Variants in HEATR4 observed in about 807,000 individuals in gnomAD.
HEATR4 encodes HEAT repeat-containing protein 4.
Under a neutral mutation model 108.8 loss-of-function variants are expected in HEATR4, and 95 were observed. The ratio of observed to expected loss-of-function variants is 0.87; its 90% CI spans 0.74 to 1.04. The LOEUF (loss-of-function observed/expected upper bound fraction) is 1.04. Among genes scored for constraint, HEATR4 ranks in the 50% least tolerant of loss-of-function variants. The pLI, the probability that HEATR4 is intolerant of heterozygous loss-of-function variation, is 0.00. For synonymous variants in HEATR4, 443 were observed against 459.4 expected, an observed-to-expected ratio of 0.96 and a Z score of 0.46; for missense variants, 1,152 against 1,253.8, an observed-to-expected ratio of 0.92 and a Z score of 1.23.
upstream of HEATR4, among the ~76,000 whole-genome samples, chr14:73,561,340 C>T (rs117886097): frequency 5.3e-3 from 794 of 149,174 alleles, 34 homozygotes; most frequent in South Asian, 0.099. Flanking sequence ...TGGTCCAGCC[C>T]GGGCGACAGA....
rs984358304 is a variant in HEATR4, at chr14:73,504,787, T to C, written c.1986+1680A>G. On this transcript the variant is annotated intron_variant, in intron 10 of 17. Coordinates refer to ENST00000553558, the MANE Select transcript of HEATR4 (RefSeq NM_001220484.1). ...GCTATTCTGGAGATATCCAAAGTTA[T>C]AAGGAAAAGATGAAGTAGCACATAG... Among the ~76,000 whole-genome samples, 4 of 152,142 alleles carry C rather than the reference T, an allele frequency of 2.6e-5. No homozygotes were observed. In the South Asian group the frequency reaches 6.2e-4, roughly 24 times the overall value.
the HEATR4 span, chr14:73,596,176 T>C: frequency 6.6e-6 from 1 of 152,490 alleles, no homozygotes; most frequent in Non-Finnish European, 1.5e-5. Flanking sequence ...CAAGGGTGAA[T>C]TACTACGATC....
At chr14:73,514,282 C>A in intron 5 of HEATR4, 48 bp from the exon 6 acceptor site, 1 of 1,555,982 alleles carries the variant, frequency 6.4e-7, no homozygotes, top group Non-Finnish European at 8.8e-7. Context: ...TGCCTTAGGC[C>A]CTGCCACACA....
At chr14:73,508,023 G>C (rs542864959) in intron 9 of HEATR4, 111 bp downstream of exon 9, 264 of 1,019,220 alleles carry the variant, frequency 2.6e-4, no homozygotes, top group Non-Finnish European at 3.8e-4. Flanking sequence ...TGGGATTACA[G>C]GCATAAGCCA....
At chr14:73,500,439 A>G (rs766911984) in intron 12 of HEATR4, 111 bp downstream of exon 12, 95 of 1,183,634 alleles carry the variant, frequency 8.0e-5, no homozygotes, top group Non-Finnish European at 9.6e-5. Flanking sequence ...CCCAGTTCCA[A>G]TCTCTCATTC....
At chr14:73,509,983 C>G (rs541825257) in intron 7 of HEATR4, among the ~76,000 whole-genome samples, 4 of 149,994 alleles carry the variant, frequency 2.7e-5, no homozygotes, top group Non-Finnish European at 5.9e-5. Context: ...ACACCATTCT[C>G]CTGCCTCAGC....
chr14:73,592,104 C>A, the HEATR4 span: 1 of 1,507,910 alleles, frequency 6.6e-7, no homozygotes, highest in Non-Finnish European at 8.8e-7. Flanking sequence ...CTTCCGGGCC[C>A]ACGCGCGCTA....
chr14:73,491,272 G>A lies in HEATR4; in HGVS notation c.2844+1794C>T, dbSNP rs767230896. ...ACGCGCTACCCGGTGGGGCGGCGGT[G>A]GCGGCCGTCCCGGACGCAGCCCGGC... On this transcript the variant is annotated intron_variant, in intron 17 of 17. Coordinates refer to ENST00000553558, the MANE Select transcript of HEATR4 (RefSeq NM_001220484.1). 13 of 1,569,434 alleles carry A rather than the reference G, an allele frequency of 8.3e-6. No individual in the cohort carries two copies. The East Asian group carries it at 2.8e-4, about 34-fold the overall frequency.
the HEATR4 span, among the ~76,000 whole-genome samples, chr14:73,626,200 C>T: frequency 6.6e-6 from 1 of 152,182 alleles, no homozygotes; most frequent in Non-Finnish European, 1.5e-5. Context: ...TCCTAGGCCA[C>T]ATTGGAAGAA....
At chr14:73,506,269 G>T (rs914788980) in intron 10 of HEATR4, among the ~76,000 whole-genome samples, 198 bp downstream of exon 10, 1 of 152,172 alleles carries the variant, frequency 6.6e-6, no homozygotes, top group African/African-American at 2.4e-5. Flanking sequence ...TGGACCACCA[G>T]TGCACTGAGA....
chr14:73,550,955 G>A lies in HEATR4; in HGVS notation c.-152+7796C>T, dbSNP rs1412982947. On this transcript the variant is annotated intron_variant, in intron 1 of 17. Transcript: ENST00000553558. ...CGGGCCGATACGAGGTCAGGAGTTC[G>A]AGACCAGCCTGGCCAACATAGTGAA... is the stretch of plus-strand genomic sequence containing the variant. Among the ~76,000 whole-genome samples the A allele has an allele frequency of 1.3e-4, 15 of 113,808 alleles. 5 individuals carry two copies. The highest frequency in any genetic ancestry group is 2.8e-4 in the South Asian group (1 of 3,548). 74.7% of individuals were successfully genotyped at this position (113,808 alleles called of 152,430 possible).
chr14:73,546,361 A>AT (rs549283883), intron 1 of HEATR4, among the ~76,000 whole-genome samples: 14,718 of 93,260 alleles, frequency 0.16, 4,441 homozygotes, highest in African/African-American at 0.46. Context: ...GACATTTCGT[A>AT]TTTTTTTTTT....
chr14:73,601,359 T>A, the HEATR4 span, among the ~76,000 whole-genome samples: 1,448 of 152,056 alleles, frequency 9.5e-3, 17 homozygotes, highest in African/African-American at 0.034. Flanking sequence ...AGGTCAGGAG[T>A]TCGAGACCAG....
the HEATR4 span, among the ~76,000 whole-genome samples, chr14:73,616,236 G>T: frequency 2.0e-5 from 3 of 151,888 alleles, no homozygotes; most frequent in Non-Finnish European, 2.9e-5. Context: ...CCAAAGCACT[G>T]GGATTATAGG....
At chr14:73,590,795 C>T in the HEATR4 span, among the ~76,000 whole-genome samples, 1 of 151,914 alleles carries the variant, frequency 6.6e-6, no homozygotes, top group Non-Finnish European at 1.5e-5. Flanking sequence ...CGGGCAGCCC[C>T]GGTTCCCGCC....
intron 10 of HEATR4, among the ~76,000 whole-genome samples, chr14:73,504,459 G>A (rs1333739703): frequency 1.3e-5 from 2 of 152,156 alleles, no homozygotes; most frequent in Non-Finnish European, 2.9e-5. Context: ...AGCCAGGATG[G>A]TCTCGATCTC....
In HEATR4 at chr14:73,555,866, A is replaced by G. The variant is rs1209473469; in HGVS notation, c.-152+2885T>C. ...ACTAAAAATACAAAATTAGCCAGGCATGGTGGCACACACCTGTAATCCCAG... is the reference window on the plus strand; with the variant it reads ...ACTAAAAATACAAAATTAGCCAGGCGTGGTGGCACACACCTGTAATCCCAG... On this transcript the variant is annotated intron_variant, in intron 1 of 17. Transcript: ENST00000553558. 2.7e-5 allele frequency among the ~76,000 whole-genome samples: 3 copies of G among 112,664 alleles called. 1 individual carries two copies. The highest frequency in any genetic ancestry group is 5.8e-5 in the Non-Finnish European group (3 of 51,448). The allele number at this position is 112,664 out of a possible 152,430, so 73.9% of individuals were successfully genotyped here. A position where few individuals can be genotyped will look rare whatever the true frequency, so the allele number is the denominator to read the frequency against.
At chr14:73,628,068 C>A in the HEATR4 span, among the ~76,000 whole-genome samples, 1 of 152,152 alleles carries the variant, frequency 6.6e-6, no homozygotes, top group African/African-American at 2.4e-5. Context: ...CTTGGCCTCC[C>A]AAAGTGCTGG....
At chr14:73,608,439 T>C in the HEATR4 span, among the ~76,000 whole-genome samples, 2 of 152,162 alleles carry the variant, frequency 1.3e-5, no homozygotes, top group Non-Finnish European at 2.9e-5. Flanking sequence ...TCCCAACAAG[T>C]TCCCCATCTC....
Sources: allele counts gnomAD v4.1 joint callset (sites outside exome capture counted in the v4.1 genomes callset), GRCh38; gene constraint gnomAD v4.1.1; transcripts MANE v1.5; gene names NCBI Gene and HGNC (gene_info 2026-07-23, HGNC 2026-07-21).